Variants in DNAJA3 observed in about 807,000 individuals in gnomAD.
DNAJA3 encodes the protein dnaJ homolog subfamily A member 3, mitochondrial.
A neutral mutation model predicts 54.9 loss-of-function variants in DNAJA3; 29 were observed. The ratio of observed to expected loss-of-function variants is 0.53; its 90% CI spans 0.39 to 0.72. DNAJA3 has a LOEUF of 0.72. Ranked by LOEUF, DNAJA3 falls within the 30% of genes least tolerant of loss-of-function variation. The probability of loss-of-function intolerance (pLI) is 0.00; values close to 1 mark genes in which losing one functional copy is unlikely to be tolerated. For synonymous variants in DNAJA3, 302 were observed against 251.4 expected (o/e 1.20, Z -1.90); for missense variants, 708 against 639.4 (o/e 1.11, Z -1.16).
At chr16:4,448,611 G>C in intron 8 of DNAJA3, 122 bp from the exon 9 acceptor site, 1 of 697,524 alleles carries the variant, frequency 1.4e-6, no homozygotes, top group Non-Finnish European at 2.5e-6. Context: ...CAAAGTGATG[G>C]GAGCGTGAGC....
chr16:4,441,473 A>G lies in DNAJA3; in HGVS notation c.528A>G (p.Gly176=), dbSNP rs544904688. ...GCTCCCAGCATAGCTACTGGAAGGG[A>G]GGCCCCACTGTGGACCCCGAGGAGC... The part of the protein sequence containing the change: ...ASGSQHSYWK[G]GPTVDPEELF... The change falls in exon 4 of 12, where the codon GGA becomes GGG. Residue 176 remains glycine (G), a synonymous_variant. Transcript: ENST00000262375. 1.7e-5 allele frequency: 27 copies of G among 1,614,154 alleles called. No individual in the cohort carries two copies. The African/African-American group carries it at 2.7e-4, about 16-fold the overall frequency.
intron 9 of DNAJA3, 141 bp downstream of exon 9, chr16:4,448,989 G>C (rs1252355265): frequency 3.2e-6 from 2 of 625,094 alleles, no homozygotes; most frequent in Non-Finnish European, 5.7e-6. Flanking sequence ...AGTGGACATA[G>C]TAGAATGGTC....
chr16:4,434,129 C>T (rs1428236518), intron 1 of DNAJA3: 2 of 434,292 alleles, frequency 4.6e-6, no homozygotes, highest in Admixed American at 8.6e-5. Context: ...ACTATCAGAT[C>T]TCATGAGAAC....
chr16:4,433,064 C>G (rs1692296583), intron 1 of DNAJA3: 1 of 152,178 alleles, frequency 6.6e-6, no homozygotes. Context: ...ATGGCGTGAA[C>G]CCGGGAAGTG....
intron 11 of DNAJA3, 133 bp from the exon 12 acceptor site, chr16:4,455,413 G>A: frequency 9.4e-7 from 1 of 1,065,324 alleles, no homozygotes; most frequent in Non-Finnish European, 1.4e-6. Context: ...GGTTTATTAT[G>A]CTCATCTCAG....
At chr16:4,450,311 C>T in intron 9 of DNAJA3, 89 bp from the exon 10 acceptor site, 1 of 1,090,110 alleles carries the variant, frequency 9.2e-7, no homozygotes, top group Non-Finnish European at 1.3e-6. Context: ...CCCTCTCTTC[C>T]CATGTGCTGC....
chr16:4,437,457 A>G lies in DNAJA3; in HGVS notation c.401A>G (p.Lys134Arg), dbSNP rs1362852480. 6 of 1,613,928 alleles carry G rather than the reference A, an allele frequency of 3.7e-6. No homozygotes were observed. The highest frequency in any genetic ancestry group is 1.3e-5 in the African/African-American group (1 of 74,872). The part of the protein sequence containing the change: ...TNKDDPKAKE[K>R]FSQLAEAYEV... Reference sequence around the variant, plus strand: ...AAGGATGATCCCAAAGCCAAGGAGAAGTTCTCCCAGCTGGCAGAAGCCTAT... The same window carrying G: ...AAGGATGATCCCAAAGCCAAGGAGAGGTTCTCCCAGCTGGCAGAAGCCTAT... The change falls in exon 3 of 12, where the codon AAG (lysine) becomes AGG (arginine). Residue 134 changes from lysine (K) to arginine (R), a missense_variant. Coordinates refer to ENST00000262375, the MANE Select transcript of DNAJA3 (RefSeq NM_005147.6).
intron 2 of DNAJA3, 102 bp from the exon 3 acceptor site, chr16:4,437,300 T>G: frequency 1.0e-6 from 1 of 976,730 alleles, no homozygotes; most frequent in Non-Finnish European, 1.6e-6. Context: ...GGGAACATAA[T>G]TATGACTGGT....
rs1223091813 is a variant in DNAJA3 at position 4,454,938 on chromosome 16, C to T, written c.*13+11C>T. On this transcript the variant is annotated intron_variant, in intron 11 of 11. Coordinates refer to ENST00000262375, the MANE Select transcript of DNAJA3 (RefSeq NM_005147.6). Reference sequence around the variant, plus strand: ...GATATCCCAGCCGAGGTAGGAAAACCCTGGAGGTTTTTTTTCCCTTTGTTT... The same window carrying T: ...GATATCCCAGCCGAGGTAGGAAAACTCTGGAGGTTTTTTTTCCCTTTGTTT... 9.5e-6 allele frequency: 15 copies of T among 1,577,896 alleles called. No homozygotes were observed. The highest frequency in any genetic ancestry group is 1.3e-5 in the Non-Finnish European group (15 of 1,150,010).
At chr16:4,427,228 T>C (rs2056635769) in intron 1 of DNAJA3, 1 of 152,214 alleles carries the variant, frequency 6.6e-6, no homozygotes, top group South Asian at 2.1e-4. Context: ...TTAGCCTTCT[T>C]TTCTTATGCC....
chr16:4,426,205 G>A, intron 1 of DNAJA3, 113 bp downstream of exon 1: 1 of 1,174,034 alleles, frequency 8.5e-7, no homozygotes, highest in Non-Finnish European at 1.1e-6. Context: ...CTTCCGACGC[G>A]GATGCACAAT....
At chr16:4,447,191 G>C (rs1470368223) in intron 8 of DNAJA3, 177 bp downstream of exon 8, 1 of 687,376 alleles carries the variant, frequency 1.5e-6, no homozygotes, top group African/African-American at 1.8e-5. Context: ...CAAGCCACAG[G>C]CCTTGAGTCT....
chr16:4,448,991 A>G (rs908510704), intron 9 of DNAJA3, 143 bp downstream of exon 9: 10 of 619,692 alleles, frequency 1.6e-5, no homozygotes, highest in Admixed American at 2.9e-5. Flanking sequence ...TGGACATAGT[A>G]GAATGGTCAA....
chr16:4,442,957 C>G (rs2056854575), intron 5 of DNAJA3, 60 bp from the exon 6 acceptor site: 2 of 1,573,780 alleles, frequency 1.3e-6, no homozygotes, highest in Admixed American at 3.6e-5. Flanking sequence ...CATTGTGGTC[C>G]CAGAACCACC....
intron 3 of DNAJA3, among the ~76,000 whole-genome samples, chr16:4,438,674 T>G (rs1309585475): frequency 7.9e-6 from 1 of 126,096 alleles, no homozygotes; most frequent in Non-Finnish European, 1.6e-5. Flanking sequence ...ACAGGGTCCC[T>G]CTATGTTGCC....
At chr16:4,446,771 G>A (rs2056906207) in intron 7 of DNAJA3, 115 bp from the exon 8 acceptor site, 12 of 1,280,230 alleles carry the variant, frequency 9.4e-6, no homozygotes, top group Non-Finnish European at 1.3e-5. Flanking sequence ...TGCACTTTAT[G>A]TATGGAAGGG....
At chr16:4,434,153 A>G in intron 1 of DNAJA3, 1 of 508,838 alleles carries the variant, frequency 2.0e-6, no homozygotes, top group South Asian at 2.5e-5. Flanking sequence ...CTATCGCGAG[A>G]CCAGCATGGA....
chr16:4,432,424 C>T (rs1429614349), intron 1 of DNAJA3, among the ~76,000 whole-genome samples: 1 of 151,100 alleles, frequency 6.6e-6, no homozygotes, highest in Admixed American at 6.6e-5. Flanking sequence ...CTCACTGCAA[C>T]CTCTGCCCCC....
chr16:4,437,223 C>T (rs1256519893), intron 2 of DNAJA3, among the ~76,000 whole-genome samples, 179 bp from the exon 3 acceptor site: 1 of 151,930 alleles, frequency 6.6e-6, no homozygotes, highest in Non-Finnish European at 1.5e-5. Context: ...TGCCTGCCTT[C>T]ACTTCCCAAA....
Sources: gnomAD v4.1 joint callset for allele counts (sites outside exome capture counted in the v4.1 genomes callset) on GRCh38, gnomAD v4.1.1 for gene constraint, MANE v1.5 for transcripts, NCBI Gene and HGNC (gene_info 2026-07-23, HGNC 2026-07-21) for gene names.